The following CNOT10 variants were observed in gnomAD, a reference collection of about 807,000 sequenced individuals.
The protein encoded by CNOT10 is CCR4-NOT transcription complex subunit 10, also known as CCR4-NOT transcription complex, subunit 10.
Under a neutral mutation model 94.6 loss-of-function variants are expected in CNOT10, and 30 were observed. That is an observed-to-expected ratio of 0.32 (90% confidence interval 0.24 to 0.43). The LOEUF (loss-of-function observed/expected upper bound fraction) is 0.43, where lower values mean the gene tolerates loss of function less well. Ranked by LOEUF, CNOT10 falls within the 20% of genes least tolerant of loss-of-function variation. The pLI, the probability that CNOT10 is intolerant of heterozygous loss-of-function variation, is 1.00. For missense variants in CNOT10, 759 were observed against 877.2 expected, an observed-to-expected ratio of 0.87 and a Z score of 1.70; for synonymous variants, 289 against 301.6, an observed-to-expected ratio of 0.96 and a Z score of 0.43.
At chr3:32,727,003 T>C (rs1004301892) in intron 9 of CNOT10, among the ~76,000 whole-genome samples, 29 of 151,844 alleles carry the variant, frequency 1.9e-4, no homozygotes, top group South Asian at 1.0e-3. Flanking sequence ...CATGCCACCA[T>C]GCCCGGCTAA....
chr3:32,711,685 G>A (rs1268520311), intron 4 of CNOT10, among the ~76,000 whole-genome samples: 1 of 152,192 alleles, frequency 6.6e-6, no homozygotes, highest in Non-Finnish European at 1.5e-5. Context: ...CTGTTTAGAG[G>A]GAAAGCATTC....
At chr3:32,697,027 T>G (rs1003275593) in intron 1 of CNOT10, among the ~76,000 whole-genome samples, 1 of 151,978 alleles carries the variant, frequency 6.6e-6, no homozygotes, top group Non-Finnish European at 1.5e-5. Context: ...CTCGGCTCAC[T>G]GCAGCCTCTG....
At chr3:32,736,220 G>T (rs2125583415) in intron 12 of CNOT10, among the ~76,000 whole-genome samples, 1 of 152,086 alleles carries the variant, frequency 6.6e-6, no homozygotes, top group South Asian at 2.1e-4. Flanking sequence ...TAAATAGCTG[G>T]GATTATAGGC....
At chr3:32,696,147 C>T (rs547827791) in intron 1 of CNOT10, among the ~76,000 whole-genome samples, 37 of 151,992 alleles carry the variant, frequency 2.4e-4, no homozygotes, top group Middle Eastern at 3.4e-3. Context: ...AAAACCCTGC[C>T]TCTACTAAAA....
intron 1 of CNOT10, among the ~76,000 whole-genome samples, chr3:32,701,062 G>C (rs1223236408): frequency 1.3e-5 from 2 of 152,086 alleles, no homozygotes; most frequent in Non-Finnish European, 2.9e-5. Flanking sequence ...CACCTGGGAG[G>C]TCAGAAGTTT....
At chr3:32,715,442 AG>A (rs1434357084) in intron 5 of CNOT10, among the ~76,000 whole-genome samples, 1 of 152,204 alleles carries the variant, frequency 6.6e-6, no homozygotes, top group Non-Finnish European at 1.5e-5. Context: ...AGAAATGCAG[AG>A]GAGAGCAGTG....
intron 13 of CNOT10, chr3:32,753,802 A>T: frequency 6.3e-7 from 1 of 1,592,358 alleles, no homozygotes; most frequent in Non-Finnish European, 8.6e-7. Flanking sequence ...CAGATCCTTT[A>T]TGGGAGTCTG....
At chr3:32,711,615 C>T (rs187845172) in intron 4 of CNOT10, among the ~76,000 whole-genome samples, 57 of 152,066 alleles carry the variant, frequency 3.7e-4, no homozygotes, top group Admixed American at 3.3e-3. Context: ...TCAAGCAAGG[C>T]CTGGGATGAG....
intron 13 of CNOT10, among the ~76,000 whole-genome samples, chr3:32,754,439 T>G (rs1334539144): frequency 8.2e-6 from 1 of 122,500 alleles, no homozygotes; most frequent in Non-Finnish European, 1.6e-5. Context: ...ATCGTGCCAC[T>G]GCACTCCAGC....
chr3:32,685,617 C>T (rs1371815823), intron 1 of CNOT10, 135 bp downstream of exon 1: 10 of 945,588 alleles, frequency 1.1e-5, no homozygotes, highest in Admixed American at 2.2e-5. Context: ...TTTACCCCAT[C>T]CTCTGTCTCG....
At chr3:32,743,930 A>G (rs1324536139) in intron 13 of CNOT10, among the ~76,000 whole-genome samples, 3 of 152,132 alleles carry the variant, frequency 2.0e-5, no homozygotes, top group Non-Finnish European at 4.4e-5. Context: ...GCAAGGGTGG[A>G]TTCTGTAGTA....
At chr3:32,739,276 A>G (rs998484818) in intron 13 of CNOT10, among the ~76,000 whole-genome samples, 2 of 152,196 alleles carry the variant, frequency 1.3e-5, no homozygotes, top group East Asian at 1.9e-4. Context: ...CCTGCTAGCA[A>G]TTTACATATT....
At chr3:32,705,278 A>G (rs1444867675) in intron 3 of CNOT10, among the ~76,000 whole-genome samples, 1 of 152,204 alleles carries the variant, frequency 6.6e-6, no homozygotes, top group Non-Finnish European at 1.5e-5. Context: ...TATCTTGTTT[A>G]TAATGAAAAA....
intron 2 of CNOT10, among the ~76,000 whole-genome samples, chr3:32,704,256 A>G (rs984186822): frequency 1.1e-4 from 16 of 152,278 alleles, no homozygotes; most frequent in African/African-American, 3.9e-4. Flanking sequence ...TTTTCATTTC[A>G]CTAAGCTGTT....
intron 17 of CNOT10, among the ~76,000 whole-genome samples, chr3:32,768,515 G>A (rs1184451504): frequency 2.0e-5 from 3 of 151,976 alleles, no homozygotes; most frequent in Non-Finnish European, 2.9e-5. Context: ...CCCAGGAGGC[G>A]GAGGTTGCAG....
intron 13 of CNOT10, among the ~76,000 whole-genome samples, chr3:32,745,860 G>A (rs1264883278): frequency 6.6e-6 from 1 of 152,156 alleles, no homozygotes; most frequent in East Asian, 1.9e-4. Flanking sequence ...GCATGGTGCT[G>A]CACACCTGTA....
chr3:32,734,444 G>A (rs1306154780), intron 11 of CNOT10, among the ~76,000 whole-genome samples: 2 of 152,020 alleles, frequency 1.3e-5, no homozygotes, highest in African/African-American at 2.4e-5. Context: ...CTTCCCTTTC[G>A]TCCCATTCTT....
intron 17 of CNOT10, chr3:32,768,952 C>T (rs943362300): frequency 5.9e-5 from 9 of 152,256 alleles, no homozygotes; most frequent in African/African-American, 2.2e-4. Flanking sequence ...TACCCCAAAG[C>T]TCTGTTTGAA....
At chr3:32,723,132 AC>A (rs1698498256) in intron 8 of CNOT10, among the ~76,000 whole-genome samples, 1 of 151,988 alleles carries the variant, frequency 6.6e-6, no homozygotes, top group Non-Finnish European at 1.5e-5. Context: ...GGTGGCTCAC[AC>A]CTGTAATCTC....
Sources: gnomAD v4.1 joint callset for allele counts (sites outside exome capture counted in the v4.1 genomes callset) on GRCh38, gnomAD v4.1.1 for gene constraint, MANE v1.5 for transcripts, NCBI Gene and HGNC (gene_info 2026-07-23, HGNC 2026-07-21) for gene names.